Variants in ZFR observed in about 807,000 individuals in gnomAD.
ZFR encodes zinc finger RNA binding protein, also known as zinc finger RNA-binding protein.
Under a neutral mutation model 130.7 loss-of-function variants are expected in ZFR, and 19 were observed. That is an observed-to-expected ratio of 0.15 (90% CI 0.10 to 0.21). ZFR has a LOEUF of 0.21. ZFR is among the 10% of genes least tolerant of loss of function. ZFR has a pLI of 1.00. For missense variants in ZFR, 872 were observed against 1,321.5 expected (o/e 0.66, Z 5.27); for synonymous variants, 466 against 456.9 (o/e 1.02, Z -0.25).
chr5:32,372,254 T>C (rs2111685492), intron 17 of ZFR, among the ~76,000 whole-genome samples: 1 of 152,334 alleles, frequency 6.6e-6, no homozygotes, highest in Admixed American at 6.5e-5. Flanking sequence ...TCTTTGTACT[T>C]GTGTGGAACA....
chr5:32,418,415 T>C (rs1275712841), intron 3 of ZFR, among the ~76,000 whole-genome samples: 1 of 152,232 alleles, frequency 6.6e-6, no homozygotes, highest in Non-Finnish European at 1.5e-5. Flanking sequence ...AGATGGATCC[T>C]ACAATATTAC....
chr5:32,421,253 T>C (rs1753950824), intron 2 of ZFR, among the ~76,000 whole-genome samples: 1 of 152,108 alleles, frequency 6.6e-6, no homozygotes, highest in Non-Finnish European at 1.5e-5. Context: ...GTTATTTAGC[T>C]GATAGGTTTT....
intron 5 of ZFR, among the ~76,000 whole-genome samples, chr5:32,413,808 T>G (rs1213732672): frequency 6.6e-6 from 1 of 152,200 alleles, no homozygotes; most frequent in Non-Finnish European, 1.5e-5. Flanking sequence ...AATTCAGTAT[T>G]TTCTTGAGAT....
At chr5:32,395,625 T>C (rs1753285483) in intron 10 of ZFR, among the ~76,000 whole-genome samples, 1 of 152,186 alleles carries the variant, frequency 6.6e-6, no homozygotes, top group Non-Finnish European at 1.5e-5. Context: ...CACTTACATC[T>C]ATGCTGCTGA....
chr5:32,374,098 T>G (rs1461330013), intron 17 of ZFR, among the ~76,000 whole-genome samples: 1 of 152,202 alleles, frequency 6.6e-6, no homozygotes, highest in East Asian at 1.9e-4. Context: ...AGTAACAACG[T>G]GGACTTACTA....
chr5:32,424,532 CAAAAAAA>C (rs575935210), intron 2 of ZFR, among the ~76,000 whole-genome samples: 1 of 62,640 alleles, frequency 1.6e-5, no homozygotes, highest in Non-Finnish European at 3.6e-5. Context: ...GACTCCGTCT[CAAAAAAA>C]AAAAAAAAAG....
intron 17 of ZFR, among the ~76,000 whole-genome samples, chr5:32,372,703 C>T (rs1291999104): frequency 4.6e-5 from 7 of 151,756 alleles, no homozygotes; most frequent in Admixed American, 2.0e-4. Context: ...CATGGTGGCG[C>T]GCGCGCTTGT....
intron 10 of ZFR, among the ~76,000 whole-genome samples, chr5:32,396,479 G>A (rs1753315269): frequency 6.6e-6 from 1 of 152,058 alleles, no homozygotes; most frequent in African/African-American, 2.4e-5. Flanking sequence ...GGTGGCTCAC[G>A]CATGTAATCC....
chr5:32,397,411 T>G (rs890156096), intron 9 of ZFR, 73 bp from the exon 10 acceptor site: 2 of 1,547,980 alleles, frequency 1.3e-6, no homozygotes, highest in East Asian at 4.5e-5. Context: ...CACATATTAT[T>G]TGATGAAGTT....
intron 9 of ZFR, among the ~76,000 whole-genome samples, chr5:32,399,321 A>G (rs1010537479): frequency 7.0e-5 from 10 of 142,556 alleles, no homozygotes; most frequent in Non-Finnish European, 1.6e-4. Flanking sequence ...AAACTCTCCT[A>G]GATGCTAGAC....
At chr5:32,410,822 A>G (rs1326377899) in intron 5 of ZFR, among the ~76,000 whole-genome samples, 1 of 152,226 alleles carries the variant, frequency 6.6e-6, no homozygotes, top group Admixed American at 6.5e-5. Flanking sequence ...GCAGATAAAG[A>G]ACTCAGAAGC....
At chr5:32,399,808 C>CA (rs984814672) in intron 9 of ZFR, among the ~76,000 whole-genome samples, 199 bp downstream of exon 9, 93 of 148,056 alleles carry the variant, frequency 6.3e-4, no homozygotes, top group Admixed American at 1.2e-3. Context: ...TAAAAGTTAG[C>CA]AAAAAAAAAA....
At chr5:32,373,392 C>CG (rs1410105875) in intron 17 of ZFR, among the ~76,000 whole-genome samples, 1 of 151,884 alleles carries the variant, frequency 6.6e-6, no homozygotes, top group East Asian at 1.9e-4. Context: ...CACTCTGTCT[C>CG]GGGGAAAGGG....
chr5:32,378,706 A>G (rs567069315), intron 17 of ZFR, among the ~76,000 whole-genome samples: 1 of 152,050 alleles, frequency 6.6e-6, no homozygotes. Context: ...TTTTTTTTGT[A>G]TTATTTTTGA....
At chr5:32,385,691 A>T in intron 14 of ZFR, 42 bp from the exon 15 acceptor site, 1 of 1,604,410 alleles carries the variant, frequency 6.2e-7, no homozygotes, top group East Asian at 2.2e-5. Flanking sequence ...GATCTGTTGT[A>T]TTAACAAACA....
At chr5:32,411,714 G>GTGGGA (rs1554073348) in intron 5 of ZFR, among the ~76,000 whole-genome samples, 1 of 54,612 alleles carries the variant, frequency 1.8e-5, no homozygotes, top group Non-Finnish European at 3.3e-5. Flanking sequence ...AATTGAGGGG[G>GTGGGA]GGCGGGGAAT....
chr5:32,438,110 C>G (rs1312634992), intron 2 of ZFR, among the ~76,000 whole-genome samples: 1 of 152,100 alleles, frequency 6.6e-6, no homozygotes, highest in African/African-American at 2.4e-5. Flanking sequence ...TGTATTTTCT[C>G]TTCAAAGTGT....
chr5:32,368,305 A>T (rs144515779), intron 17 of ZFR, among the ~76,000 whole-genome samples: 2 of 152,162 alleles, frequency 1.3e-5, no homozygotes, highest in South Asian at 2.1e-4. Context: ...GCGTGATCTC[A>T]GCTCACCGCA....
In ZFR at chr5:32,387,559, T is replaced by C. The variant is rs746933283; in HGVS notation, c.2489A>G (p.Lys830Arg). The change falls in exon 14 of 20, where the codon AAA (lysine) becomes AGA (arginine). Residue 830 changes from lysine to arginine, a missense_variant. By Grantham distance (26) the Lys-to-Arg change is conservative. Transcript: ENST00000265069. ...TTCCATAATACTTACAGCAAGCTGTTTGGGTAGGTTTTCTGCAATACGGCT... is the reference window on the plus strand; with the variant it reads ...TTCCATAATACTTACAGCAAGCTGTCTGGGTAGGTTTTCTGCAATACGGCT... The part of the protein sequence containing the change: ...LLSRIAENLP[K>R]QLAVISPEKY... 6.2e-7 allele frequency: 1 copy of C among 1,612,488 alleles called. No homozygotes were observed. Among genetic ancestry groups the C allele is most frequent in the Non-Finnish European group, 8.5e-7 (1 of 1,179,244 alleles).
Sources: allele counts gnomAD v4.1 joint callset (sites outside exome capture counted in the v4.1 genomes callset), GRCh38; gene constraint gnomAD v4.1.1; transcripts MANE v1.5; gene names NCBI Gene and HGNC (gene_info 2026-07-23, HGNC 2026-07-21).